CSMD1: variants seen among roughly 807,000 people sequenced by gnomAD.
CSMD1 encodes CUB and Sushi multiple domains 1.
CSMD1 carries 213 observed loss-of-function variants against 417.5 expected under a neutral mutation model. The observed-to-expected ratio is 0.51, with a 90% confidence interval of 0.46 to 0.57. The LOEUF is 0.57. Among genes scored for constraint, CSMD1 ranks in the 20% least tolerant of loss-of-function variants. The pLI, the probability that CSMD1 is intolerant of heterozygous loss-of-function variation, is 0.00. For missense variants in CSMD1, 6,923 were observed against 4,529.7 expected (o/e 1.53, Z -15.17); for synonymous variants, 2,862 against 1,736.8 (o/e 1.65, Z -16.11).
intron 7 of CSMD1, among the ~76,000 whole-genome samples, chr8:3,707,449 C>G (rs906174882): frequency 6.6e-6 from 1 of 152,132 alleles, no homozygotes; most frequent in Non-Finnish European, 1.5e-5. Context: ...GAAAAGATTG[C>G]CAGGGAAGCA....
intron 12 of CSMD1, among the ~76,000 whole-genome samples, chr8:3,457,222 C>A (rs1240162487): frequency 6.6e-6 from 1 of 151,958 alleles, no homozygotes; most frequent in Non-Finnish European, 1.5e-5. Flanking sequence ...TCCTGCCCTC[C>A]TCACTGCACC....
intron 5 of CSMD1, among the ~76,000 whole-genome samples, chr8:3,914,420 A>G (rs2954622): frequency 0.044 from 6,748 of 152,180 alleles, 460 homozygotes; most frequent in African/African-American, 0.15. Flanking sequence ...GAAAGGAGAG[A>G]CAACCATGTT....
intron 3 of CSMD1, among the ~76,000 whole-genome samples, chr8:4,286,446 T>G (rs1437154786): frequency 6.6e-6 from 1 of 152,144 alleles, no homozygotes; most frequent in Non-Finnish European, 1.5e-5. Flanking sequence ...GTTTAGTCGG[T>G]TGCAATATGA....
intron 7 of CSMD1, among the ~76,000 whole-genome samples, chr8:3,683,837 A>C (rs1055364193): frequency 2.6e-5 from 4 of 152,038 alleles, no homozygotes; most frequent in Non-Finnish European, 4.4e-5. Context: ...TCATTCTAAG[A>C]TGTAAAGAAT....
chr8:4,522,392 A>G (rs1490188913), intron 2 of CSMD1, among the ~76,000 whole-genome samples: 1 of 152,160 alleles, frequency 6.6e-6, no homozygotes, highest in African/African-American at 2.4e-5. Flanking sequence ...AGCAGCGTTA[A>G]AACGGTATAA....
intron 3 of CSMD1, among the ~76,000 whole-genome samples, chr8:4,379,957 G>A (rs1047211069): frequency 2.0e-5 from 3 of 152,178 alleles, no homozygotes; most frequent in South Asian, 2.1e-4. Flanking sequence ...TGGAAGAGTC[G>A]CCACTTTGTA....
intron 1 of CSMD1, among the ~76,000 whole-genome samples, chr8:4,715,168 T>A (rs905815405): frequency 1.3e-5 from 2 of 152,188 alleles, no homozygotes; most frequent in African/African-American, 4.8e-5. Context: ...GCTTTAGTTA[T>A]TCTATTATTT....
chr8:3,682,859 G>A (rs1309904082), intron 7 of CSMD1, among the ~76,000 whole-genome samples: 1 of 152,134 alleles, frequency 6.6e-6, no homozygotes, highest in Admixed American at 6.5e-5. Context: ...ATACTATGTA[G>A]CCATAAAAAA....
At chr8:4,456,282 A>G (rs1369129617) in intron 2 of CSMD1, among the ~76,000 whole-genome samples, 1 of 152,186 alleles carries the variant, frequency 6.6e-6, no homozygotes, top group African/African-American at 2.4e-5. Flanking sequence ...AGTGAGATCT[A>G]AAAGCTGAAG....
rs1482063055 is a variant in CSMD1, at chr8:3,489,356, A to G, written c.1448+4267T>C. On this transcript the variant is annotated intron_variant, in intron 11 of 69. Transcript: ENST00000635120. ...AATAATATTGACTATTCATTCTCAT[A>G]GAGGGACGGGCATTTTAAAACTGTA... Among the ~76,000 whole-genome samples the G allele has an allele frequency of 3.3e-5, 5 of 152,302 alleles. No homozygotes were observed. The East Asian group carries it at 7.7e-4, about 24-fold the overall frequency.
intron 6 of CSMD1, among the ~76,000 whole-genome samples, chr8:3,737,071 A>G (rs895243176): frequency 1.3e-5 from 2 of 152,220 alleles, no homozygotes; most frequent in Non-Finnish European, 2.9e-5. Flanking sequence ...TTTGAAAGTC[A>G]GTGTTCATTT....
intron 3 of CSMD1, among the ~76,000 whole-genome samples, chr8:4,191,372 G>A (rs1224430430): frequency 6.6e-6 from 1 of 151,826 alleles, no homozygotes; most frequent in African/African-American, 2.4e-5. Context: ...CTCCAGCCTG[G>A]GCAACAGAGC....
intron 3 of CSMD1, among the ~76,000 whole-genome samples, chr8:4,288,013 C>G (rs17069842): frequency 0.016 from 2,431 of 152,112 alleles, 58 homozygotes; most frequent in African/African-American, 0.055. Context: ...AAACTTCTGC[C>G]TTTTTTAGCT....
At chr8:4,599,387 C>A (rs909119502) in intron 2 of CSMD1, among the ~76,000 whole-genome samples, 8 of 151,056 alleles carry the variant, frequency 5.3e-5, no homozygotes, top group African/African-American at 1.7e-4. Flanking sequence ...CCTTAAAGAT[C>A]TGTTGAGAAT....
chr8:4,881,179 T>C (rs6997247), intron 1 of CSMD1, among the ~76,000 whole-genome samples: 150,181 of 152,232 alleles, frequency 0.99, 74,090 homozygotes, highest in East Asian at 1. Context: ...TTTAGCAGTT[T>C]CCTTTGTGTG....
intron 3 of CSMD1, among the ~76,000 whole-genome samples, chr8:4,260,509 A>G (rs76335889): frequency 0.017 from 2,535 of 152,316 alleles, 42 homozygotes; most frequent in African/African-American, 0.04. Context: ...ACAATGTTAA[A>G]GAACACTAGT....
intron 4 of CSMD1, among the ~76,000 whole-genome samples, chr8:4,028,875 G>A (rs1797200504): frequency 6.6e-6 from 1 of 152,134 alleles, no homozygotes; most frequent in African/African-American, 2.4e-5. Context: ...ATTTTTCTTA[G>A]GAAAGTCAAA....
At chr8:4,423,395 T>C (rs141578291) in intron 2 of CSMD1, among the ~76,000 whole-genome samples, 4 of 152,216 alleles carry the variant, frequency 2.6e-5, no homozygotes, top group African/African-American at 7.2e-5. Context: ...CAAAAATCTA[T>C]TGTAGTTCTA....
intron 3 of CSMD1, among the ~76,000 whole-genome samples, chr8:4,405,738 G>A (rs1226452885): frequency 6.6e-6 from 1 of 152,154 alleles, no homozygotes; most frequent in Non-Finnish European, 1.5e-5. Context: ...TGAAGTTAGT[G>A]CACCACCAGA....
Sources: allele counts gnomAD v4.1 joint callset (sites outside exome capture counted in the v4.1 genomes callset), GRCh38; gene constraint gnomAD v4.1.1; transcripts MANE v1.5; gene names NCBI Gene and HGNC (gene_info 2026-07-23, HGNC 2026-07-21).